The following GATA4 variants were observed in gnomAD, a reference collection of about 807,000 sequenced individuals.
The protein encoded by GATA4 is transcription factor GATA-4.
Under a neutral mutation model 37.9 loss-of-function variants are expected in GATA4, and 7 were observed. That is an observed-to-expected ratio of 0.18 (90% CI 0.11 to 0.35). GATA4 has a LOEUF of 0.35. GATA4 is among the 10% of genes least tolerant of loss of function. The probability of loss-of-function intolerance (pLI) is 1.00; values close to 1 mark genes in which losing one functional copy is unlikely to be tolerated. For missense variants in GATA4, 647 were observed against 653.0 expected (o/e 0.99, Z 0.10); for synonymous variants, 372 against 292.6 (o/e 1.27, Z -2.77).
intron 1 of GATA4, among the ~76,000 whole-genome samples, chr8:11,677,584 C>T (rs1045804988): frequency 1.2e-4 from 18 of 152,368 alleles, no homozygotes; most frequent in Middle Eastern, 3.4e-3. Context: ...CCCTTGGAAA[C>T]TTCAGGCAAA....
At chr8:11,732,202 T>C (rs1011580590) in intron 2 of GATA4, among the ~76,000 whole-genome samples, 1 of 152,244 alleles carries the variant, frequency 6.6e-6, no homozygotes, top group African/African-American at 2.4e-5. Flanking sequence ...ATTAACCATG[T>C]GTAATAAAAG....
chr8:11,700,918 C>G (rs1042705690), upstream of GATA4: 2 of 152,198 alleles, frequency 1.3e-5, no homozygotes, highest in African/African-American at 4.8e-5. Flanking sequence ...TGGTTTAAAA[C>G]AAACTTGGAC....
chr8:11,742,583 C>T (rs1035404414), intron 2 of GATA4, among the ~76,000 whole-genome samples: 2 of 152,172 alleles, frequency 1.3e-5, no homozygotes, highest in Non-Finnish European at 2.9e-5. Context: ...AACTGGTAAC[C>T]GCCTCTGTTC....
intron 2 of GATA4, among the ~76,000 whole-genome samples, chr8:11,743,304 G>A (rs1365053649): frequency 2.0e-5 from 3 of 152,270 alleles, no homozygotes; most frequent in Non-Finnish European, 4.4e-5. Flanking sequence ...GGACAGGGGC[G>A]CGTATACAGA....
At chr8:11,703,353 G>A (rs572977955), upstream of GATA4, among the ~76,000 whole-genome samples, 1 of 152,168 alleles carries the variant, frequency 6.6e-6, no homozygotes, top group African/African-American at 2.4e-5. Context: ...GCTGCGCTGG[G>A]GCCTCCAGGC....
At chr8:11,696,064 G>A (rs1799499753) in intron 1 of GATA4, among the ~76,000 whole-genome samples, 1 of 152,232 alleles carries the variant, frequency 6.6e-6, no homozygotes, top group African/African-American at 2.4e-5. Context: ...AATGGGAGCT[G>A]AAGAGTCTTA....
At chr8:11,699,146 CT>C (rs1052895814) in intron 1 of GATA4, among the ~76,000 whole-genome samples, 13 of 152,136 alleles carry the variant, frequency 8.5e-5, no homozygotes, top group Non-Finnish European at 1.3e-4. Context: ...CAGAGCATAC[CT>C]TTTGGGGGTG....
chr8:11,754,930 G>A, intron 4 of GATA4, 116 bp from the exon 5 acceptor site: 1 of 792,626 alleles, frequency 1.3e-6, no homozygotes. Flanking sequence ...CTGGGCCCCA[G>A]GCTTTGTGGA....
chr8:11,679,175 A>AC (rs1345722339), intron 1 of GATA4, among the ~76,000 whole-genome samples: 20 of 43,402 alleles, frequency 4.6e-4, no homozygotes, highest in Non-Finnish European at 1.2e-3. Context: ...TATCCGAATA[A>AC]TTGCGGGGGG....
intron 1 of GATA4, chr8:11,692,841 C>T: frequency 1.0e-6 from 1 of 981,520 alleles, no homozygotes; most frequent in Non-Finnish European, 1.2e-6. Flanking sequence ...CGGGGGCGGC[C>T]GGCCGGGGGC....
rs1042101217 is a variant in GATA4 at position 11,749,252 on chromosome 8, A to G, written c.786+167A>G. Among the ~76,000 whole-genome samples the G allele has an allele frequency of 6.6e-6, 1 of 152,250 alleles. No individual in the cohort carries two copies. Among genetic ancestry groups the G allele is most frequent in the Admixed American group, 6.5e-5 (1 of 15,286 alleles). On this transcript the variant is annotated intron_variant, in intron 3 of 6. Coordinates refer to ENST00000532059, the MANE Select transcript of GATA4 (RefSeq NM_001308093.3). The surrounding 1 kb of genome is among the most constrained non-coding windows in gnomAD (Gnocchi z 4.6). The stretch of plus-strand genomic sequence containing the variant: ...AACTTTAGAGTTAGCTGGAGCCACC[A>G]GAATGATCCAGGCTGTCTAGTTCAA...
intron 2 of GATA4, among the ~76,000 whole-genome samples, chr8:11,743,009 T>A (rs1284011014): frequency 6.6e-6 from 1 of 152,228 alleles, no homozygotes; most frequent in Non-Finnish European, 1.5e-5. Flanking sequence ...CCTTCTGTGT[T>A]GTATCTCCTT....
At chr8:11,703,799 C>T (rs940772656), upstream of GATA4, among the ~76,000 whole-genome samples, 1 of 152,344 alleles carries the variant, frequency 6.6e-6, no homozygotes, top group East Asian at 1.9e-4. Context: ...ACCCAGTGCC[C>T]CACACAAGAT....
At chr8:11,693,877 CA>C (rs1344903658) in intron 1 of GATA4, among the ~76,000 whole-genome samples, 1 of 152,186 alleles carries the variant, frequency 6.6e-6, no homozygotes, top group Non-Finnish European at 1.5e-5. Context: ...AGTCCGCAGG[CA>C]TTCTGTCCCC....
chr8:11,740,564 GC>G (rs967121846), intron 2 of GATA4, among the ~76,000 whole-genome samples: 7 of 152,298 alleles, frequency 4.6e-5, no homozygotes, highest in African/African-American at 1.7e-4. Flanking sequence ...CCACATGGAG[GC>G]CCCCATGAAA....
At chr8:11,746,463 G>A (rs997128005) in intron 2 of GATA4, among the ~76,000 whole-genome samples, 5 of 152,186 alleles carry the variant, frequency 3.3e-5, no homozygotes, top group Non-Finnish European at 5.9e-5. Flanking sequence ...ATGTCCAAGT[G>A]CGATTCAGGC....
chr8:11,747,071 T>A (rs1276159076), intron 2 of GATA4, among the ~76,000 whole-genome samples: 1 of 152,212 alleles, frequency 6.6e-6, no homozygotes, highest in Non-Finnish European at 1.5e-5. Flanking sequence ...TGGGTCCTGT[T>A]GGAAAGAGAG....
At chr8:11,677,710 A>G (rs755449183) in intron 1 of GATA4, among the ~76,000 whole-genome samples, 13 of 152,282 alleles carry the variant, frequency 8.5e-5, no homozygotes, top group South Asian at 2.1e-4. Flanking sequence ...AGAGTCGGAT[A>G]CTTTTCTTTG....
intron 1 of GATA4, among the ~76,000 whole-genome samples, chr8:11,687,157 G>A (rs940322510): frequency 6.6e-6 from 1 of 152,168 alleles, no homozygotes; most frequent in African/African-American, 2.4e-5. Flanking sequence ...AGCTGGGAGG[G>A]AAGAGATTTC....
Sources: gnomAD v4.1 joint callset for allele counts (sites outside exome capture counted in the v4.1 genomes callset) on GRCh38, gnomAD v4.1.1 for gene constraint, Gnocchi (gnomAD v3.1) non-coding constraint, MANE v1.5 for transcripts, NCBI Gene and HGNC (gene_info 2026-07-23, HGNC 2026-07-21) for gene names.